The following RAP1GAP variants were observed in gnomAD, a reference collection of about 807,000 sequenced individuals.
The protein encoded by RAP1GAP is RAP1 GTPase activating protein.
A neutral mutation model predicts 87.2 loss-of-function variants in RAP1GAP; 35 were observed. The ratio of observed to expected loss-of-function variants is 0.40; its 90% confidence interval spans 0.31 to 0.53. The LOEUF is 0.53. RAP1GAP is among the 20% of genes least tolerant of loss of function. RAP1GAP has a pLI of 0.48. For synonymous variants in RAP1GAP, 375 were observed against 363.9 expected, an observed-to-expected ratio of 1.03 and a Z score of -0.35; for missense variants, 734 against 898.9, an observed-to-expected ratio of 0.82 and a Z score of 2.35.
intron 20 of RAP1GAP, among the ~76,000 whole-genome samples, chr1:21,600,884 C>CAAAAAAAAAAAAAA (rs55668367): frequency 0.026 from 1,366 of 52,700 alleles, 206 homozygotes; most frequent in Non-Finnish European, 0.032. Flanking sequence ...GACTCTGTCT[C>CAAAAAAAAAAAAAA]AAAAAAAAAA....
chr1:21,667,846 T>C (rs1474779477), intron 1 of RAP1GAP, among the ~76,000 whole-genome samples: 2 of 152,172 alleles, frequency 1.3e-5, no homozygotes. Flanking sequence ...AAATTGCTCG[T>C]GCCACCTGAG....
Position 21,608,343 on chromosome 1 carries a change from G to A in RAP1GAP, c.1166C>T (p.Thr389Met). The A allele has an allele frequency of 1.2e-6, 2 of 1,612,896 alleles. No individual in the cohort carries two copies. The highest frequency in any genetic ancestry group is 2.2e-5 in the East Asian group (1 of 44,848). ...AEKFAKLEER[T>M]RAALLETLYE... is the part of the protein sequence containing the mutation. Reference sequence around the variant, plus strand: ...GAGCGTCTCCAGGAGGGCGGCCCGCGTCCGCTCCTGTGGGCCAGGCCCGGG... The same window carrying A: ...GAGCGTCTCCAGGAGGGCGGCCCGCATCCGCTCCTGTGGGCCAGGCCCGGG... Residue 389 changes from threonine (T) to methionine (M), a missense_variant, in exon 17 of 25, where the codon ACG becomes ATG. Coordinates refer to ENST00000374765, the MANE Select transcript of RAP1GAP (RefSeq NM_002885.4).
At chr1:21,665,648 C>T (rs2097317536) in intron 1 of RAP1GAP, among the ~76,000 whole-genome samples, 1 of 152,246 alleles carries the variant, frequency 6.6e-6, no homozygotes, top group African/African-American at 2.4e-5. Context: ...TGAGTCACCA[C>T]CTGCCTGACA....
Position 21,612,069 on chromosome 1 carries a change from C to G in RAP1GAP, c.569G>C (p.Ser190Thr), listed in dbSNP as rs144840782. The change falls in exon 11 of 25, where the codon AGC (serine) becomes ACC (threonine). Residue 190 changes from serine (S) to threonine (T), a missense_variant. Physicochemically the swap from Ser to Thr is moderately conservative, Grantham distance 58. Transcript: ENST00000374765. ...AATGACGCCAAACTTGAAGTTATTG[C>G]TGATGACATGCTCGTCAAAGGTGAC... ...LIVTFDEHVI[S>T]NNFKFGVIYQ... is the part of the protein sequence containing the mutation. 133 of 1,554,578 alleles carry G rather than the reference C, an allele frequency of 8.6e-5. No homozygotes were observed. Among genetic ancestry groups the G allele is most frequent in the Middle Eastern group, 1.7e-4 (1 of 5,994 alleles).
intron 2 of RAP1GAP, among the ~76,000 whole-genome samples, chr1:21,633,665 A>T (rs1044038327): frequency 6.6e-6 from 1 of 151,210 alleles, no homozygotes; most frequent in Non-Finnish European, 1.5e-5. Context: ...AGGGCGGGGG[A>T]GGGGTTCAGG....
At chr1:21,655,819 C>CACCT (rs1393963412) in intron 1 of RAP1GAP, among the ~76,000 whole-genome samples, 3 of 152,210 alleles carry the variant, frequency 2.0e-5, no homozygotes, top group Non-Finnish European at 4.4e-5. Context: ...CTGGGTGTTC[C>CACCT]ACCTACCTAC....
chr1:21,618,623 T>C (rs767386093), intron 5 of RAP1GAP, among the ~76,000 whole-genome samples: 23 of 152,124 alleles, frequency 1.5e-4, no homozygotes, highest in Admixed American at 9.2e-4. Context: ...ATAAGTCTCC[T>C]AGGGCCTGAG....
intron 1 of RAP1GAP, among the ~76,000 whole-genome samples, chr1:21,653,543 ACTTCCTTCCTTC>A (rs71569840): frequency 0.013 from 1,661 of 124,130 alleles, 37 homozygotes; most frequent in African/African-American, 0.048. Flanking sequence ...GAAGGGAGGA[ACTTCCTTCCTTC>A]CTTCCTTCCT....
rs1427677031 is a variant in RAP1GAP, at chr1:21,615,032, C to A, written c.292-943G>T. ...TCAATGGACCTGGGGCAGAGTCCCC[C>A]AGCTCTGCCTGGGCACAGAGTGGCA... On this transcript the variant is annotated intron_variant, in intron 7 of 24. Coordinates refer to ENST00000374765, the MANE Select transcript of RAP1GAP (RefSeq NM_002885.4). This position sits in a 1 kb window ranked among gnomAD's most constrained non-coding sequence, Gnocchi z 4.5. Among the ~76,000 whole-genome samples the A allele has an allele frequency of 6.6e-6, 1 of 152,228 alleles. No individual in the cohort carries two copies. Among genetic ancestry groups the A allele is most frequent in the Admixed American group, 6.5e-5 (1 of 15,288 alleles).
chr1:21,642,875 T>TCCACACACACAC (rs71306228), intron 2 of RAP1GAP, among the ~76,000 whole-genome samples: 1 of 134,226 alleles, frequency 7.5e-6, no homozygotes, highest in African/African-American at 2.9e-5. Context: ...CCTTCCCCAC[T>TCCACACACACAC]ACACACACAC....
In RAP1GAP at chr1:21,615,417, A is replaced by G. The variant is rs1217346858; in HGVS notation, c.292-1328T>C. ...GCCTCTTCTTTTTTTTTTGAGATGG[A>G]GTCTTGCTCTGTCGCCCAGGCTGGA... On this transcript the variant is annotated intron_variant, in intron 7 of 24. Transcript: ENST00000374765. The surrounding 1 kb of genome is among the most constrained non-coding windows in gnomAD (Gnocchi z 4.5). Among the ~76,000 whole-genome samples, 1 of 150,408 alleles carries G rather than the reference A, an allele frequency of 6.6e-6. No homozygotes were observed. Among genetic ancestry groups the G allele is most frequent in the African/African-American group, 2.4e-5 (1 of 40,862 alleles).
At chr1:21,632,156 C>G (rs2093878928) in intron 2 of RAP1GAP, among the ~76,000 whole-genome samples, 1 of 152,174 alleles carries the variant, frequency 6.6e-6, no homozygotes, top group Admixed American at 6.5e-5. Flanking sequence ...GCAGCTATCT[C>G]TCCCTCTCGG....
chr1:21,598,537 C>T, intron 21 of RAP1GAP, 35 bp from the exon 22 acceptor site: 1 of 1,556,492 alleles, frequency 6.4e-7, no homozygotes, highest in Non-Finnish European at 8.9e-7. Context: ...GGGAGGTTAG[C>T]CTATGCCCTT....
chr1:21,667,957 C>A lies in RAP1GAP; in HGVS notation c.-149+1297G>T, dbSNP rs1353479440. Among the ~76,000 whole-genome samples the A allele has an allele frequency of 2.6e-5, 4 of 152,160 alleles. No individual in the cohort carries two copies. The East Asian group carries it at 7.7e-4, about 29-fold the overall frequency. On this transcript the variant is annotated intron_variant, in intron 1 of 24. Transcript: ENST00000374765. ...GGGGCTCTCAGAGTGAGGCTGAGGT[C>A]ATGGAGAAGGGAATGGGGGGCCCCC...
Position 21,609,242 on chromosome 1 carries a change from G to A in RAP1GAP, c.1072-306C>T, listed in dbSNP as rs1434700823. ...GGTAGCAGAACACGCTACGTACAGA[G>A]CTGAAGCCCAGGCTTGAAGTGTGCC... On this transcript the variant is annotated intron_variant, in intron 15 of 24. Transcript: ENST00000374765. The surrounding 1 kb of genome is among the most constrained non-coding windows in gnomAD (Gnocchi z 4.4). Among the ~76,000 whole-genome samples the A allele has an allele frequency of 6.6e-6, 1 of 152,192 alleles. No individual in the cohort carries two copies. Among genetic ancestry groups the A allele is most frequent in the African/African-American group, 2.4e-5 (1 of 41,442 alleles).
intron 1 of RAP1GAP, among the ~76,000 whole-genome samples, chr1:21,657,620 C>T (rs2096916965): frequency 6.6e-6 from 1 of 152,200 alleles, no homozygotes; most frequent in Admixed American, 6.5e-5. Flanking sequence ...CTCCTACCTC[C>T]ACTGCTATGG....
At chr1:21,643,208 T>C (rs548410652) in intron 2 of RAP1GAP, among the ~76,000 whole-genome samples, 21 of 152,310 alleles carry the variant, frequency 1.4e-4, no homozygotes, top group African/African-American at 5.1e-4. Context: ...GCTGAATGAA[T>C]GAATTTTGGG....
chr1:21,602,793 C>T lies in RAP1GAP; in HGVS notation c.1538+11G>A. Reference sequence around the variant, plus strand: ...TGCAGGGGAATGGGGCACTGTCCCCCACTCACCCACCTCTTCTCCTGCACC... The same window carrying T: ...TGCAGGGGAATGGGGCACTGTCCCCTACTCACCCACCTCTTCTCCTGCACC... On this transcript the variant is annotated intron_variant, in intron 19 of 24. Transcript: ENST00000374765. 2 of 1,598,430 alleles carry T rather than the reference C, an allele frequency of 1.3e-6. No individual in the cohort carries two copies. The highest frequency in any genetic ancestry group is 1.7e-6 in the Non-Finnish European group (2 of 1,173,416).
intron 6 of RAP1GAP, 53 bp downstream of exon 6, chr1:21,617,881 G>A (rs1230977986): frequency 6.2e-7 from 1 of 1,610,740 alleles, no homozygotes; most frequent in Admixed American, 1.7e-5. Flanking sequence ...GAAGCCCTGT[G>A]TAAGTGCCTC....
Sources: allele counts gnomAD v4.1 joint callset (sites outside exome capture counted in the v4.1 genomes callset), GRCh38; gene constraint gnomAD v4.1.1; non-coding constraint Gnocchi (gnomAD v3.1); transcripts MANE v1.5; gene names NCBI Gene and HGNC (gene_info 2026-07-23, HGNC 2026-07-21).